CHD9: variants seen among roughly 807,000 people sequenced by gnomAD.
The protein encoded by CHD9 is ATP-dependent chromatin remodeler CHD9.
In CHD9, 77 loss-of-function variants were observed where a neutral mutation model predicts 316.1. That is an observed-to-expected ratio of 0.24 (90% CI 0.20 to 0.29). The LOEUF is 0.29. Among genes scored for constraint, CHD9 ranks in the 10% least tolerant of loss-of-function variants. CHD9 has a pLI of 1.00. For missense variants in CHD9, 2,763 were observed against 3,438.1 expected (o/e 0.80, Z 4.91); for synonymous variants, 1,129 against 1,158.3 (o/e 0.97, Z 0.51).
chr16:53,104,835 A>G (rs909355385), intron 1 of CHD9, among the ~76,000 whole-genome samples: 1 of 151,786 alleles, frequency 6.6e-6, no homozygotes, highest in Admixed American at 6.6e-5. Context: ...AAAAGTTATA[A>G]TGAACTTCTT....
intron 1 of CHD9, among the ~76,000 whole-genome samples, chr16:53,142,097 T>C (rs2040161355): frequency 6.6e-6 from 1 of 152,182 alleles, no homozygotes; most frequent in Admixed American, 6.5e-5. Context: ...TGTTGATTGG[T>C]ATAACATTTT....
chr16:53,245,844 A>G lies in CHD9; in HGVS notation c.3448A>G (p.Ile1150Val). 6.6e-7 allele frequency: 1 copy of G among 1,504,794 alleles called. No homozygotes were observed. The highest frequency in any genetic ancestry group is 8.9e-7 in the Non-Finnish European group (1 of 1,128,334). The allele number at this position is 1,504,794 out of a possible 1,614,324, so 93.2% of individuals were successfully genotyped here. The change falls in exon 15 of 39, where the codon ATA (isoleucine) becomes GTA (valine). Residue 1150 changes from isoleucine to valine, a missense_variant. By Grantham distance (29) the Ile-to-Val change is conservative. Coordinates refer to ENST00000447540, the MANE Select transcript of CHD9 (RefSeq NM_001308319.2). This position sits in a 1 kb window ranked among gnomAD's most constrained non-coding sequence, Gnocchi z 4.1. ...GAAATGTTGTAATCATCCATATCTTATAAAAGGTAGCTAAAAAAGATTACA... is the reference window on the plus strand; with the variant it reads ...GAAATGTTGTAATCATCCATATCTTGTAAAAGGTAGCTAAAAAAGATTACA... Reference protein sequence around the residue: ...LRKCCNHPYLIKGAEEKILGE... With the variant: ...LRKCCNHPYLVKGAEEKILGE...
intron 1 of CHD9, among the ~76,000 whole-genome samples, chr16:53,149,316 T>C (rs183359268): frequency 6.6e-6 from 1 of 152,324 alleles, no homozygotes; most frequent in Admixed American, 6.5e-5. Flanking sequence ...ATTGATTTTC[T>C]GTCTGGTTGG....
chr16:53,174,119 C>CA lies in CHD9; in HGVS notation c.1452+16585dup, dbSNP rs544859682. On this transcript the variant is annotated intron_variant, in intron 2 of 38. Coordinates refer to ENST00000447540, the MANE Select transcript of CHD9 (RefSeq NM_001308319.2). ...GCAACATGGCAAAACCCACTCTCTA[C>CA]AAAAAAATACAAAAATTAGCTGGGT... 2.6e-4 allele frequency among the ~76,000 whole-genome samples: 39 copies of CA among 152,064 alleles called. 1 individual carries two copies. In the South Asian group the frequency reaches 7.9e-3, roughly 31 times the overall value.
chr16:53,088,266 T>G (rs1428219786), intron 1 of CHD9, among the ~76,000 whole-genome samples: 2 of 142,234 alleles, frequency 1.4e-5, no homozygotes, highest in Non-Finnish European at 3.0e-5. Context: ...TCAAGGAAAA[T>G]GACATGCACT....
intron 1 of CHD9, among the ~76,000 whole-genome samples, chr16:53,149,180 G>A (rs1034690295): frequency 6.6e-6 from 1 of 152,132 alleles, no homozygotes; most frequent in African/African-American, 2.4e-5. Context: ...CTACCATATG[G>A]CCAATCCTGG....
intron 1 of CHD9, among the ~76,000 whole-genome samples, chr16:53,106,620 T>A (rs2037370259): frequency 6.6e-6 from 1 of 151,566 alleles, no homozygotes; most frequent in South Asian, 2.1e-4. Context: ...AGGTTCATAA[T>A]CTAGTTAAAG....
intron 1 of CHD9, among the ~76,000 whole-genome samples, chr16:53,098,367 T>C (rs569884029): frequency 1.7e-4 from 25 of 151,466 alleles, no homozygotes; most frequent in Non-Finnish European, 2.8e-4. Context: ...TCCCAGCTAT[T>C]TGGGAGGCTG....
intron 34 of CHD9, among the ~76,000 whole-genome samples, chr16:53,309,339 T>C (rs541062408): frequency 3.3e-5 from 5 of 152,334 alleles, no homozygotes; most frequent in Non-Finnish European, 7.3e-5. Context: ...GCAGCTCAAA[T>C]TGTCAGAAAA....
chr16:53,132,089 TA>T (rs558040402), intron 1 of CHD9, among the ~76,000 whole-genome samples: 5 of 139,120 alleles, frequency 3.6e-5, no homozygotes, highest in African/African-American at 1.1e-4. Flanking sequence ...TTTTTATTTT[TA>T]AAAAAAATTT....
At chr16:53,061,124 G>T (rs981894733) in intron 1 of CHD9, among the ~76,000 whole-genome samples, 1 of 151,892 alleles carries the variant, frequency 6.6e-6, no homozygotes, top group South Asian at 2.1e-4. Flanking sequence ...ATGGGGTTTC[G>T]CCATGTTGGC....
intron 3 of CHD9, among the ~76,000 whole-genome samples, chr16:53,212,401 T>A (rs1387145576): frequency 1.6e-5 from 2 of 123,350 alleles, no homozygotes; most frequent in Non-Finnish European, 3.6e-5. Context: ...CGAGATTCCA[T>A]CTCAAAAAAA....
At chr16:53,248,437 A>G (rs1022198086) in intron 16 of CHD9, among the ~76,000 whole-genome samples, 5 of 151,296 alleles carry the variant, frequency 3.3e-5, no homozygotes, top group Admixed American at 6.6e-5. Flanking sequence ...ATAGTAACAT[A>G]TTAATGTAAA....
intron 1 of CHD9, among the ~76,000 whole-genome samples, chr16:53,124,467 ATTTTTTTTTT>A (rs753476091): frequency 0.011 from 1,054 of 96,958 alleles, 18 homozygotes; most frequent in African/African-American, 0.039. Context: ...GTGAGACTTA[ATTTTTTTTTT>A]TTTTTTTTTT....
chr16:53,107,636 G>GGCAC (rs1419416802), intron 1 of CHD9, among the ~76,000 whole-genome samples: 4 of 151,112 alleles, frequency 2.6e-5, no homozygotes, highest in African/African-American at 4.9e-5. Flanking sequence ...GAGCCATGAT[G>GGCAC]GCACCACTGC....
At chr16:53,290,203 GGCGGA>G (rs1567629277) in intron 27 of CHD9, among the ~76,000 whole-genome samples, 2 of 152,202 alleles carry the variant, frequency 1.3e-5, no homozygotes, top group African/African-American at 4.8e-5. Context: ...GAAGCCAGGA[GGCGGA>G]GGTTGCAGTG....
intron 17 of CHD9, among the ~76,000 whole-genome samples, chr16:53,253,288 T>G (rs1043159839): frequency 4.6e-5 from 7 of 152,004 alleles, no homozygotes; most frequent in African/African-American, 1.7e-4. Flanking sequence ...TTAACAGCAT[T>G]TGCAGTGACC....
chr16:53,191,040 A>G (rs1010370108), intron 2 of CHD9, among the ~76,000 whole-genome samples: 1 of 152,210 alleles, frequency 6.6e-6, no homozygotes, highest in East Asian at 1.9e-4. Flanking sequence ...CATTACCGCA[A>G]TTAAGATATA....
Position 53,285,598 on chromosome 16 carries a change from A to G in CHD9, c.4970A>G (p.Asp1657Gly). 6.3e-7 allele frequency: 1 copy of G among 1,587,964 alleles called. No homozygotes were observed. The highest frequency in any genetic ancestry group is 8.6e-7 in the Non-Finnish European group (1 of 1,164,148). Reference sequence around the variant, plus strand: ...GCCATATTATGATTTTTTTAAAGTGACATTGATGTTTGGGTACCAGAACCA... The same window carrying G: ...GCCATATTATGATTTTTTTAAAGTGGCATTGATGTTTGGGTACCAGAACCA... ...QKVFDGVDASDIDVWVPEPDH... is the reference protein window; with the variant it reads ...QKVFDGVDASGIDVWVPEPDH... Residue 1657 changes from aspartate (D) to glycine (G), a missense_variant and splice_region_variant, in exon 25 of 39, where the codon GAC (aspartate) becomes GGC (glycine). Physicochemically the swap from Asp to Gly is moderately conservative, Grantham distance 94. Around this residue, in one of 15 missense-constraint regions of CHD9, gnomAD observed 40 missense variants for 39.5 expected, o/e 1.01. Coordinates refer to ENST00000447540, the MANE Select transcript of CHD9 (RefSeq NM_001308319.2).
Sources: gnomAD v4.1 joint callset for allele counts (sites outside exome capture counted in the v4.1 genomes callset) on GRCh38, gnomAD v4.1.1 for gene constraint, gnomAD v4.1.1 regional missense constraint, Gnocchi (gnomAD v3.1) non-coding constraint, MANE v1.5 for transcripts, NCBI Gene and HGNC (gene_info 2026-07-23, HGNC 2026-07-21) for gene names.